Variants in UTRN observed in about 807,000 individuals in gnomAD.
UTRN encodes dystrophin-related protein 1.
Under a neutral mutation model 463.9 loss-of-function variants are expected in UTRN, and 283 were observed. The ratio of observed to expected loss-of-function variants is 0.61; its 90% CI spans 0.55 to 0.67. The LOEUF (loss-of-function observed/expected upper bound fraction) is 0.67. Among genes scored for constraint, UTRN ranks in the 30% least tolerant of loss-of-function variants. UTRN has a pLI of 0.00. For missense variants in UTRN, 3,922 were observed against 4,084.3 expected (o/e 0.96, Z 1.08); for synonymous variants, 1,442 against 1,431.5 (o/e 1.01, Z -0.17).
intron 54 of UTRN, among the ~76,000 whole-genome samples, chr6:144,740,096 G>C (rs1026159528): frequency 6.6e-6 from 1 of 152,152 alleles, no homozygotes; most frequent in Admixed American, 6.5e-5. Flanking sequence ...TGAGGAAACT[G>C]AGAGTCTGAG....
rs371182123 is a variant in UTRN at position 144,361,772 on chromosome 6, CTT to C, written c.80-41338_80-41337del. Among the ~76,000 whole-genome samples, 855 of 134,772 alleles carry C rather than the reference CTT, an allele frequency of 6.3e-3. 31 individuals are homozygous for C. In the East Asian group the frequency reaches 0.11, roughly 17 times the overall value. 88.4% of individuals were successfully genotyped at this position (134,772 alleles called of 152,430 possible). On this transcript the variant is annotated intron_variant, in intron 2 of 74. Transcript: ENST00000367545. ...CCTGGCTAATTTTCTTTCTTTCTTTCTTTTTTTTTTTTTTGTAGAGATGGGGT... is the reference window on the plus strand; with the variant it reads ...CCTGGCTAATTTTCTTTCTTTCTTTCTTTTTTTTTTTTGTAGAGATGGGGT...
chr6:144,710,189 T>C (rs1319297577), intron 53 of UTRN, among the ~76,000 whole-genome samples: 3 of 152,226 alleles, frequency 2.0e-5, no homozygotes, highest in African/African-American at 7.2e-5. Flanking sequence ...TATAAAGCAA[T>C]GCTTTAAAGC....
chr6:144,647,046 G>T (rs1373967682), intron 51 of UTRN, among the ~76,000 whole-genome samples: 3 of 152,138 alleles, frequency 2.0e-5, no homozygotes, highest in East Asian at 3.9e-4. Context: ...CAGAAGAGAG[G>T]ATAGGAGTAA....
chr6:144,838,782 C>G (rs567778194), intron 71 of UTRN, among the ~76,000 whole-genome samples: 2 of 152,312 alleles, frequency 1.3e-5, no homozygotes, highest in African/African-American at 4.8e-5. Flanking sequence ...TGCTTCTAAT[C>G]ACTCTCTCAA....
chr6:144,700,459 C>T (rs1403246610), intron 53 of UTRN, among the ~76,000 whole-genome samples: 4 of 151,954 alleles, frequency 2.6e-5, no homozygotes, highest in Non-Finnish European at 5.9e-5. Context: ...CAAACACTAC[C>T]AGTATCTGAA....
At position 144,523,032 on chromosome 6, in the gene UTRN, T is replaced by C. The variant is rs770678635; in HGVS notation, c.5750T>C (p.Leu1917Pro). 3 of 1,602,614 alleles carry C rather than the reference T, an allele frequency of 1.9e-6. No homozygotes were observed. The highest frequency in any genetic ancestry group is 2.3e-5 in the South Asian group (2 of 88,326). Residue 1917 changes from leucine to proline, a missense_variant, in exon 41 of 75, where the codon CTG (leucine) becomes CCG (proline). Coordinates refer to ENST00000367545, the MANE Select transcript of UTRN (RefSeq NM_007124.3). Reference sequence around the variant, plus strand: ...TATTTTTAGAATATCAAAGACCAACTGGACAAACTTGGAGAGCAGATTGCA... The same window carrying C: ...TATTTTTAGAATATCAAAGACCAACCGGACAAACTTGGAGAGCAGATTGCA... ...EDSLKNIKDQLDKLGEQIAVI... is the reference protein window; with the variant it reads ...EDSLKNIKDQPDKLGEQIAVI...
chr6:144,748,912 C>A (rs964744103), intron 55 of UTRN, among the ~76,000 whole-genome samples: 2 of 152,016 alleles, frequency 1.3e-5, no homozygotes, highest in Admixed American at 1.3e-4. Context: ...ATTCCCAGAG[C>A]CTGGATTTTG....
At position 144,482,241 on chromosome 6, in the gene UTRN, G is replaced by A; in HGVS notation, c.3540G>A (p.Val1180=). 2.5e-6 allele frequency: 4 copies of A among 1,580,602 alleles called. No homozygotes were observed. The highest frequency in any genetic ancestry group is 2.3e-5 in the East Asian group (1 of 43,550). ...AAGAGGATGTGTTGCAGAAGGAGGTGAGAGTGAAGATTCTCAAGGACAACA... is the reference window on the plus strand; with the variant it reads ...AAGAGGATGTGTTGCAGAAGGAGGTAAGAGTGAAGATTCTCAAGGACAACA... The part of the protein sequence containing the change: ...RAKEDVLQKE[V]RVKILKDNIK... Residue 1180 remains valine (V), a synonymous_variant, in exon 27 of 75, where the codon GTG becomes GTA. Transcript: ENST00000367545.
intron 4 of UTRN, among the ~76,000 whole-genome samples, chr6:144,423,338 G>T (rs1338260626): frequency 6.6e-6 from 1 of 152,156 alleles, no homozygotes; most frequent in African/African-American, 2.4e-5. Context: ...ATGCAAGTTA[G>T]GGAACTGGTA....
chr6:144,847,397 G>GT lies in UTRN; in HGVS notation c.10293+577dup, dbSNP rs376965690. Among the ~76,000 whole-genome samples, 1,093 of 139,120 alleles carry GT rather than the reference G, an allele frequency of 7.9e-3. 19 individuals are homozygous for GT. Among genetic ancestry groups the GT allele is most frequent in the African/African-American group, 0.024 (963 of 39,728 alleles). The allele number at this position is 139,120 out of a possible 152,430, so 91.3% of individuals were successfully genotyped here. A position where few individuals can be genotyped will look rare whatever the true frequency, so the allele number is the denominator to read the frequency against. Reference sequence around the variant, plus strand: ...TAGGATTTGTAGCCTGTTTTGTTTTGTTTTTTTGTTTTGTTTTGTTTTTTG... The same window carrying GT: ...TAGGATTTGTAGCCTGTTTTGTTTTGTTTTTTTTGTTTTGTTTTGTTTTTTG... On this transcript the variant is annotated intron_variant, in intron 74 of 74. Transcript: ENST00000367545.
chr6:144,640,058 G>GAGAT (rs1554317933), intron 51 of UTRN, among the ~76,000 whole-genome samples: 1 of 151,000 alleles, frequency 6.6e-6, no homozygotes, highest in Non-Finnish European at 1.5e-5. Context: ...GAGAGAGAGA[G>GAGAT]AGATTGAGAG....
chr6:144,287,234 C>T (rs1246907028), intron 1 of UTRN, among the ~76,000 whole-genome samples: 1 of 152,152 alleles, frequency 6.6e-6, no homozygotes, highest in African/African-American at 2.4e-5. Flanking sequence ...AACCATTCCC[C>T]GCCCCTTTTA....
chr6:144,802,120 A>G (rs961124033), intron 64 of UTRN, among the ~76,000 whole-genome samples: 2 of 152,250 alleles, frequency 1.3e-5, no homozygotes, highest in East Asian at 3.8e-4. Flanking sequence ...TTCAGCAGAA[A>G]ACAAAATTTC....
chr6:144,818,136 A>G (rs1005365854), intron 65 of UTRN, among the ~76,000 whole-genome samples: 3 of 152,196 alleles, frequency 2.0e-5, no homozygotes, highest in Admixed American at 1.3e-4. Context: ...ATATAGATAA[A>G]CTAGAAGAAC....
At chr6:144,802,389 A>C (rs993956481) in intron 64 of UTRN, among the ~76,000 whole-genome samples, 3 of 152,130 alleles carry the variant, frequency 2.0e-5, no homozygotes, top group Non-Finnish European at 4.4e-5. Flanking sequence ...TCTATCATTT[A>C]ATTTTTTTTC....
At chr6:144,681,392 C>T (rs924861299) in intron 52 of UTRN, among the ~76,000 whole-genome samples, 7 of 152,122 alleles carry the variant, frequency 4.6e-5, no homozygotes, top group Admixed American at 3.9e-4. Context: ...ACTGAGAAGT[C>T]CCTATCCTGA....
At chr6:144,713,020 T>A (rs1057089047) in intron 53 of UTRN, among the ~76,000 whole-genome samples, 3 of 152,122 alleles carry the variant, frequency 2.0e-5, no homozygotes, top group Non-Finnish European at 4.4e-5. Flanking sequence ...CAGTGCCACA[T>A]TAGAATAGGT....
At chr6:144,699,675 A>T (rs893973265) in intron 52 of UTRN, among the ~76,000 whole-genome samples, 4 of 150,460 alleles carry the variant, frequency 2.7e-5, no homozygotes, top group African/African-American at 9.7e-5. Flanking sequence ...AAACTATCAA[A>T]ACTTGGTTTA....
chr6:144,543,805 CA>C (rs1208028408), intron 46 of UTRN, among the ~76,000 whole-genome samples: 4 of 151,752 alleles, frequency 2.6e-5, no homozygotes, highest in Non-Finnish European at 5.9e-5. Context: ...TGATGACAGA[CA>C]ATATATTTTT....
Sources: gnomAD v4.1 joint callset for allele counts (sites outside exome capture counted in the v4.1 genomes callset) on GRCh38, gnomAD v4.1.1 for gene constraint, MANE v1.5 for transcripts, NCBI Gene and HGNC (gene_info 2026-07-23, HGNC 2026-07-21) for gene names.